Variants in PCDH15 observed in about 807,000 individuals in gnomAD.
PCDH15 encodes the protein protocadherin-15.
A neutral mutation model predicts 178.5 loss-of-function variants in PCDH15; 129 were observed. The observed-to-expected ratio is 0.72, with a 90% confidence interval of 0.63 to 0.84. The LOEUF is 0.84. Among genes scored for constraint, PCDH15 ranks in the 40% least tolerant of loss-of-function variants. The probability of loss-of-function intolerance (pLI) is 0.00; values close to 1 mark genes in which losing one functional copy is unlikely to be tolerated. For synonymous variants in PCDH15, 800 were observed against 732.0 expected (o/e 1.09, Z -1.50); for missense variants, 2,230 against 2,099.9 (o/e 1.06, Z -1.21).
chr10:55,457,757 A>C (rs543834558), intron 2 of PCDH15, among the ~76,000 whole-genome samples: 1 of 152,166 alleles, frequency 6.6e-6, no homozygotes, highest in South Asian at 2.1e-4. Context: ...TTTAGGCTAG[A>C]CTGCATATGG....
Position 54,329,601 on chromosome 10 carries a change from C to T in PCDH15, c.700G>A (p.Ala234Thr), listed in dbSNP as rs1938987020. ...DKTRYFVIIQANDRAQNLNER... is the reference protein window; with the variant it reads ...DKTRYFVIIQTNDRAQNLNER... ...AAAAGAAATTGAATACTCACATTAG[C>T]TTGGATTATGACAAAGTAGCGAGTC... Residue 234 changes from alanine (A) to threonine (T), a missense_variant, in exon 7 of 38, where the codon GCT becomes ACT. Transcript: ENST00000644397. 2 of 1,583,148 alleles carry T rather than the reference C, an allele frequency of 1.3e-6. No individual in the cohort carries two copies. The highest frequency in any genetic ancestry group is 1.7e-6 in the Non-Finnish European group (2 of 1,152,418).
intron 15 of PCDH15, among the ~76,000 whole-genome samples, chr10:54,091,341 C>T (rs971170267): frequency 1.5e-5 from 2 of 137,728 alleles, no homozygotes; most frequent in African/African-American, 5.7e-5. Context: ...GCCCTGGAGT[C>T]AGCAGGATTC....
chr10:54,966,939 A>T (rs1184060737), intron 2 of PCDH15, among the ~76,000 whole-genome samples: 1 of 152,126 alleles, frequency 6.6e-6, no homozygotes, highest in Admixed American at 6.6e-5. Context: ...AAAAATATCT[A>T]AACATAGAAA....
chr10:54,550,903 C>G (rs1475848486), intron 2 of PCDH15, among the ~76,000 whole-genome samples: 2 of 151,782 alleles, frequency 1.3e-5, no homozygotes, highest in Non-Finnish European at 2.9e-5. Context: ...CACCTGTAAT[C>G]CCAAAACTTG....
intron 2 of PCDH15, among the ~76,000 whole-genome samples, chr10:54,924,569 A>C (rs1274059754): frequency 6.6e-6 from 1 of 150,874 alleles, no homozygotes; most frequent in African/African-American, 2.4e-5. Flanking sequence ...CATAGCATAT[A>C]AGTGTTCTTT....
chr10:54,149,867 G>A (rs1214443651), intron 14 of PCDH15, among the ~76,000 whole-genome samples: 2 of 152,162 alleles, frequency 1.3e-5, no homozygotes, highest in African/African-American at 4.8e-5. Context: ...AGTGGCAGCA[G>A]TTGTTGCTTT....
At position 55,520,013 on chromosome 10, in the gene PCDH15, T is replaced by C. The variant is rs1302728826; in HGVS notation, c.-156+107612A>G. On this transcript the variant is annotated intron_variant, in intron 2 of 5. Transcript: ENST00000613346. ...ACATCTTTGAGGAAAGAATGACATG[T>C]TTATAAGGCATATATATATGCCATA... 4.1e-5 allele frequency among the ~76,000 whole-genome samples: 6 copies of C among 147,742 alleles called. No individual in the cohort carries two copies. In the East Asian group the frequency reaches 1.2e-3, roughly 29 times the overall value.
chr10:55,390,507 GTCT>G (rs1160177090), intron 2 of PCDH15, among the ~76,000 whole-genome samples: 1 of 152,132 alleles, frequency 6.6e-6, no homozygotes, highest in Non-Finnish European at 1.5e-5. Context: ...TTGGAGTCAA[GTCT>G]TCTTAGTGTT....
intron 3 of PCDH15, among the ~76,000 whole-genome samples, chr10:54,844,337 A>G (rs1953467918): frequency 6.6e-6 from 1 of 152,054 alleles, no homozygotes; most frequent in Non-Finnish European, 1.5e-5. Flanking sequence ...AGGAGATGCT[A>G]GAACTCAAGA....
At chr10:53,864,126 C>T (rs1235800814) in intron 27 of PCDH15, among the ~76,000 whole-genome samples, 1 of 152,084 alleles carries the variant, frequency 6.6e-6, no homozygotes, top group Non-Finnish European at 1.5e-5. Context: ...TAAATTGATA[C>T]TGATGCAGGA....
At chr10:54,071,775 T>C (rs1322193368) in intron 17 of PCDH15, among the ~76,000 whole-genome samples, 1 of 152,116 alleles carries the variant, frequency 6.6e-6, no homozygotes, top group Non-Finnish European at 1.5e-5. Flanking sequence ...ACACTATAAT[T>C]ATGGAGCACT....
chr10:55,508,213 A>G (rs983307220), intron 2 of PCDH15, among the ~76,000 whole-genome samples: 3 of 151,748 alleles, frequency 2.0e-5, no homozygotes, highest in African/African-American at 4.8e-5. Flanking sequence ...AGAAATGCAT[A>G]CATGCCTGCA....
At chr10:55,488,071 G>T (rs542309512) in intron 2 of PCDH15, among the ~76,000 whole-genome samples, 1 of 151,548 alleles carries the variant, frequency 6.6e-6, no homozygotes, top group South Asian at 2.1e-4. Flanking sequence ...TCAAGGTAAA[G>T]GTAACATTTC....
rs190821885 is a variant in PCDH15 at position 54,687,880 on chromosome 10, A to C, written c.-28-23590T>G. Among the ~76,000 whole-genome samples, 43 of 152,166 alleles carry C rather than the reference A, an allele frequency of 2.8e-4. No individual in the cohort carries two copies. In the East Asian group the frequency reaches 8.2e-3, roughly 29 times the overall value. ...AATATCTGCCTTAACATCTTTAAGAAAATTCTGCAATATATAATACAATGT... is the reference window on the plus strand; with the variant it reads ...AATATCTGCCTTAACATCTTTAAGACAATTCTGCAATATATAATACAATGT... On this transcript the variant is annotated intron_variant, in intron 1 of 37. Coordinates refer to ENST00000644397, the MANE Select transcript of PCDH15 (RefSeq NM_001384140.1).
rs2076206698 is a variant in PCDH15, at chr10:53,820,186, G to C, written c.4412C>G (p.Ala1471Gly). The change falls in exon 33 of 38, where the codon GCT (alanine) becomes GGT (glycine). Residue 1471 changes from alanine to glycine, a missense_variant. Physicochemically the swap from Ala to Gly is moderately conservative, Grantham distance 60. Transcript: ENST00000644397. ...ATACCTTGTCAGAGTCCGCCAAATA[G>C]CACAAGTTCTCATGCATATGACCAG... ...WQLVICMRTC[A>G]IWRTLTRRGY... 2.5e-6 allele frequency: 1 copy of C among 397,844 alleles called. No homozygotes were observed. Among genetic ancestry groups the C allele is most frequent in the East Asian group, 3.6e-5 (1 of 28,018 alleles). The allele number at this position is 397,844 out of a possible 1,614,324, so 24.6% of individuals were successfully genotyped here. A position where few individuals can be genotyped will look rare whatever the true frequency, so the allele number is the denominator to read the frequency against.
At chr10:54,980,298 T>A (rs1455493451) in intron 2 of PCDH15, among the ~76,000 whole-genome samples, 2 of 152,164 alleles carry the variant, frequency 1.3e-5, no homozygotes, top group East Asian at 3.8e-4. Context: ...TTTACACATA[T>A]CTATATTTAA....
chr10:54,325,168 A>G (rs2061859566), intron 7 of PCDH15, among the ~76,000 whole-genome samples: 1 of 152,098 alleles, frequency 6.6e-6, no homozygotes, highest in African/African-American at 2.4e-5. Context: ...AAACTCAATT[A>G]CCTTAATTAC....
At position 54,402,992 on chromosome 10, in the gene PCDH15, C is replaced by G. The variant is rs550834333; in HGVS notation, c.158-24050G>C. Among the ~76,000 whole-genome samples, 9 of 152,086 alleles carry G rather than the reference C, an allele frequency of 5.9e-5. No homozygotes were observed. The South Asian group carries it at 1.9e-3, about 32-fold the overall frequency. Reference sequence around the variant, plus strand: ...TGTTGTAACCAAGATAGGCTGAACGCTAGACATCGTGCATCCAACAGTTAG... The same window carrying G: ...TGTTGTAACCAAGATAGGCTGAACGGTAGACATCGTGCATCCAACAGTTAG... On this transcript the variant is annotated intron_variant, in intron 3 of 37. Coordinates refer to ENST00000644397, the MANE Select transcript of PCDH15 (RefSeq NM_001384140.1).
At chr10:54,316,617 C>G (rs1385522282) in intron 8 of PCDH15, among the ~76,000 whole-genome samples, 2 of 151,642 alleles carry the variant, frequency 1.3e-5, no homozygotes, top group African/African-American at 2.4e-5. Context: ...TTTGCCTCAG[C>G]AGGATATCCA....
Sources: allele counts gnomAD v4.1 joint callset (sites outside exome capture counted in the v4.1 genomes callset), GRCh38; gene constraint gnomAD v4.1.1; transcripts MANE v1.5; gene names NCBI Gene and HGNC (gene_info 2026-07-23, HGNC 2026-07-21).